ZNF569: variants seen among roughly 807,000 people sequenced by gnomAD.
The protein encoded by ZNF569 is DNA-binding protein.
ZNF569 carries 38 observed loss-of-function variants against 56.3 expected under a neutral mutation model. The ratio of observed to expected loss-of-function variants is 0.68; its 90% CI spans 0.52 to 0.88. The LOEUF (loss-of-function observed/expected upper bound fraction) is 0.88. Ranked by LOEUF, ZNF569 falls within the 40% of genes least tolerant of loss-of-function variation. The pLI is 0.00. For synonymous variants in ZNF569, 241 were observed against 262.9 expected (o/e 0.92, Z 0.81); for missense variants, 666 against 809.2 (o/e 0.82, Z 2.15).
At chr19:37,424,187 G>C (rs899564749) in intron 5 of ZNF569, among the ~76,000 whole-genome samples, 2 of 152,164 alleles carry the variant, frequency 1.3e-5, no homozygotes, top group African/African-American at 4.8e-5. Context: ...AAGTATGACT[G>C]TACGACATTT....
At chr19:37,466,518 T>G (rs1378513459) in intron 1 of ZNF569, among the ~76,000 whole-genome samples, 1 of 151,930 alleles carries the variant, frequency 6.6e-6, no homozygotes, top group South Asian at 2.1e-4. Flanking sequence ...TCCCAGCTAC[T>G]CGGGAGGCTG....
intron 2 of ZNF569, among the ~76,000 whole-genome samples, chr19:37,454,634 A>C (rs140816364): frequency 3.3e-5 from 5 of 152,188 alleles, no homozygotes; most frequent in Non-Finnish European, 5.9e-5. Flanking sequence ...CCCCCAGCTA[A>C]CACCACAAGG....
intron 3 of ZNF569, among the ~76,000 whole-genome samples, chr19:37,437,026 A>G (rs2041320779): frequency 6.6e-6 from 1 of 151,782 alleles, no homozygotes; most frequent in African/African-American, 2.4e-5. Context: ...AAAAAAAAAA[A>G]AAAAAAGAAA....
intron 5 of ZNF569, among the ~76,000 whole-genome samples, chr19:37,419,753 G>A (rs1287389504): frequency 6.6e-6 from 1 of 151,816 alleles, no homozygotes; most frequent in Non-Finnish European, 1.5e-5. Context: ...TATATACTTA[G>A]TCTATTACGT....
At chr19:37,414,565 A>G in intron 5 of ZNF569, 146 bp from the exon 6 acceptor site, 1 of 1,278,320 alleles carries the variant, frequency 7.8e-7, no homozygotes, top group Non-Finnish European at 1.0e-6. Context: ...AACTGCATAT[A>G]TCTCTTATCT....
chr19:37,452,553 GT>G (rs1218275342), intron 2 of ZNF569, among the ~76,000 whole-genome samples: 2 of 152,076 alleles, frequency 1.3e-5, no homozygotes, highest in East Asian at 3.9e-4. Context: ...GTTTTGCCAA[GT>G]ATAGTATTCC....
intron 2 of ZNF569, among the ~76,000 whole-genome samples, chr19:37,454,235 G>A (rs1317729054): frequency 6.6e-6 from 1 of 151,966 alleles, no homozygotes; most frequent in South Asian, 2.1e-4. Flanking sequence ...TTAGTTTTGG[G>A]TGTTCCATTT....
chr19:37,416,266 C>CA (rs945755043), intron 5 of ZNF569, among the ~76,000 whole-genome samples: 2,990 of 111,532 alleles, frequency 0.027, 61 homozygotes, highest in African/African-American at 0.08. Context: ...AACAAAAAAA[C>CA]AAAAAAAAAA....
At chr19:37,450,572 G>C (rs1382062384) in intron 2 of ZNF569, among the ~76,000 whole-genome samples, 3 of 151,938 alleles carry the variant, frequency 2.0e-5, no homozygotes, top group African/African-American at 4.8e-5. Flanking sequence ...CGGTTTGTCA[G>C]TTTATCTTTT....
At chr19:37,422,035 C>A (rs1469717682) in intron 5 of ZNF569, among the ~76,000 whole-genome samples, 1 of 152,170 alleles carries the variant, frequency 6.6e-6, no homozygotes, top group Non-Finnish European at 1.5e-5. Context: ...CAGGCGTGAG[C>A]CACCACACCT....
At chr19:37,452,662 T>C (rs1422076562) in intron 2 of ZNF569, among the ~76,000 whole-genome samples, 1 of 152,306 alleles carries the variant, frequency 6.6e-6, no homozygotes, top group Non-Finnish European at 1.5e-5. Context: ...GCCTGCAAAG[T>C]TTCTGCTGAA....
At chr19:37,466,520 G>A (rs546923998) in intron 1 of ZNF569, among the ~76,000 whole-genome samples, 4 of 152,174 alleles carry the variant, frequency 2.6e-5, no homozygotes, top group South Asian at 2.1e-4. Context: ...CCAGCTACTC[G>A]GGAGGCTGAG....
intron 3 of ZNF569, among the ~76,000 whole-genome samples, chr19:37,426,730 T>C (rs1333760672): frequency 2.6e-5 from 4 of 152,140 alleles, no homozygotes; most frequent in Non-Finnish European, 5.9e-5. Flanking sequence ...ATAGGTGAAA[T>C]CTGTGGTATG....
Position 37,412,561 on chromosome 19 carries a change from G to C in ZNF569, c.*36C>G. 1 of 1,535,294 alleles carries C rather than the reference G, an allele frequency of 6.5e-7. No individual in the cohort carries two copies. The highest frequency in any genetic ancestry group is 8.7e-7 in the Non-Finnish European group (1 of 1,144,744). On this transcript the variant is annotated 3_prime_UTR_variant, in exon 6 of 6. Transcript: ENST00000316950. ...GTGCAATGAGGTGTTAATTCCTTCAGATGGCCTTGCCATATTCACAATATT... is the reference window on the plus strand; with the variant it reads ...GTGCAATGAGGTGTTAATTCCTTCACATGGCCTTGCCATATTCACAATATT...
At position 37,467,293 on chromosome 19, in the gene ZNF569, G is replaced by C. The variant is rs1295128454; in HGVS notation, c.-414C>G. The C allele has an allele frequency of 1.3e-5, 2 of 152,564 alleles. No individual in the cohort carries two copies. Among genetic ancestry groups the C allele is most frequent in the Non-Finnish European group, 2.9e-5 (2 of 68,316 alleles). 9.5% of individuals were successfully genotyped at this position (152,564 alleles called of 1,614,324 possible). A position where few individuals can be genotyped will look rare whatever the true frequency, so the allele number is the denominator to read the frequency against. ...ACTGGCTTCACTGTTTGCGCGTCCT[G>C]AGAAGCAGACCACGGTGTTCCAGGG... is the stretch of plus-strand genomic sequence containing the variant. On this transcript the variant is annotated 5_prime_UTR_variant, in exon 1 of 6. Coordinates refer to ENST00000316950, the MANE Select transcript of ZNF569 (RefSeq NM_152484.3).
At chr19:37,447,875 A>T (rs2041524837) in intron 2 of ZNF569, among the ~76,000 whole-genome samples, 1 of 152,180 alleles carries the variant, frequency 6.6e-6, no homozygotes. Context: ...TTATTCTCTT[A>T]TTACAGTCAA....
At chr19:37,432,164 T>C (rs541280031) in intron 3 of ZNF569, among the ~76,000 whole-genome samples, 40 of 152,294 alleles carry the variant, frequency 2.6e-4, no homozygotes, top group Non-Finnish European at 5.1e-4. Flanking sequence ...TGTAGAGTGA[T>C]AGGGCCTTCA....
At chr19:37,469,247 C>T (rs1472243749), upstream of ZNF569, 2 of 1,382,238 alleles carry the variant, frequency 1.4e-6, no homozygotes, top group Non-Finnish European at 1.9e-6. Context: ...TGCTGCCAGA[C>T]ACTGCGACGC....
upstream of ZNF569, chr19:37,468,111 G>A: frequency 7.8e-6 from 5 of 639,554 alleles, no homozygotes; most frequent in Non-Finnish European, 1.3e-5. Context: ...TTGAGGCAGA[G>A]CCTCACTTTG....
Sources: gnomAD v4.1 joint callset for allele counts (sites outside exome capture counted in the v4.1 genomes callset) on GRCh38, gnomAD v4.1.1 for gene constraint, MANE v1.5 for transcripts, NCBI Gene and HGNC (gene_info 2026-07-23, HGNC 2026-07-21) for gene names.